TK1: variants seen among roughly 807,000 people sequenced by gnomAD.
The protein encoded by TK1 is thymidine kinase 1, also known as thymidine kinase, cytosolic.
Under a neutral mutation model 22.4 loss-of-function variants are expected in TK1, and 13 were observed. The observed-to-expected ratio is 0.58, with a 90% CI of 0.38 to 0.92. The LOEUF (loss-of-function observed/expected upper bound fraction) is 0.92, where lower values mean the gene tolerates loss of function less well. Ranked by LOEUF, TK1 falls within the 40% of genes least tolerant of loss-of-function variation. TK1 has a pLI of 0.00. For missense variants in TK1, 251 were observed against 315.7 expected (o/e 0.80, Z 1.55); for synonymous variants, 134 against 125.4 (o/e 1.07, Z -0.46).
At position 78,175,418 on chromosome 17, in the gene TK1, G is replaced by A. The variant is rs182293554; in HGVS notation, c.393+111C>T. ...CAGCCAAGGCCTGAGCAGCTCGGCCGTAACCCTGTGGTGGCTGAGCCCTGG... is the reference window on the plus strand; with the variant it reads ...CAGCCAAGGCCTGAGCAGCTCGGCCATAACCCTGTGGTGGCTGAGCCCTGG... On this transcript the variant is annotated intron_variant, in intron 5 of 6. Transcript: ENST00000301634. The A allele has an allele frequency of 8.2e-4, 982 of 1,198,156 alleles. 5 individuals carry two copies. In the African/African-American group the frequency reaches 8.9e-3, roughly 11 times the overall value. The allele number at this position is 1,198,156 out of a possible 1,614,324, so 74.2% of individuals were successfully genotyped here.
Position 78,185,138 on chromosome 17 carries a change from G to A in TK1, c.126C>T (p.Arg42=). Residue 42 remains arginine (R), a synonymous_variant, in exon 3 of 7, where the codon CGC becomes CGT. Coordinates refer to ENST00000301634, the MANE Select transcript of TK1 (RefSeq NM_003258.5). ...KSTELMRRVR[R]FQIAQYKCLV... is the part of the protein sequence containing the mutation. ...GGCACTTGTACTGAGCAATCTGGAA[G>A]CGACGGACGCGTCTCATCAACTCTG... is the stretch of plus-strand genomic sequence containing the variant. The A allele has an allele frequency of 1.2e-6, 2 of 1,612,278 alleles. No individual in the cohort carries two copies. The highest frequency in any genetic ancestry group is 1.7e-6 in the Non-Finnish European group (2 of 1,179,626).
intron 4 of TK1, chr17:78,179,203 G>A (rs2075721847): frequency 2.0e-6 from 2 of 985,416 alleles, no homozygotes; most frequent in Non-Finnish European, 2.4e-6. Context: ...CCTTGCCAAA[G>A]CTGAAGCTTC....
rs144025495 is a variant in TK1 at position 78,177,123 on chromosome 17, C to T, written c.304-1505G>A. 6.9e-3 allele frequency among the ~76,000 whole-genome samples: 1,044 copies of T among 152,336 alleles called. 7 individuals carry two copies. Among genetic ancestry groups the T allele is most frequent in the Admixed American group, 0.018 (276 of 15,292 alleles). ...CCGGCACTTCCCCACCCGTCCAGCA[C>T]TTCCAGTGATCTGCCTGCCTCAGCC... On this transcript the variant is annotated intron_variant, in intron 4 of 6. Coordinates refer to ENST00000301634, the MANE Select transcript of TK1 (RefSeq NM_003258.5).
At chr17:78,185,905 C>T (rs1361701714) in intron 2 of TK1, among the ~76,000 whole-genome samples, 3 of 152,168 alleles carry the variant, frequency 2.0e-5, no homozygotes, top group African/African-American at 7.2e-5. Flanking sequence ...TCCAAGAAGT[C>T]CAACTCTGAG....
rs773635643 is a variant in TK1 at position 78,175,128 on chromosome 17, G to GCTCT, written c.431_434dup (p.Ser145ArgfsTer223). ...TGCACACCGCCGTCAGCTTCACCAC[G>GCTCT]CTCTCGGCCAGCGGCACCAGGTTCA... On this transcript the variant is annotated frameshift_variant, in exon 6 of 7. Transcript: ENST00000301634. LOFTEE classifies it high-confidence loss of function. The GCTCT allele has an allele frequency of 6.2e-7, 1 of 1,613,224 alleles. No individual in the cohort carries two copies. The highest frequency in any genetic ancestry group is 8.5e-7 in the Non-Finnish European group (1 of 1,179,874).
intron 4 of TK1, chr17:78,179,456 G>A: frequency 1.0e-6 from 1 of 985,490 alleles, no homozygotes; most frequent in Non-Finnish European, 1.2e-6. Flanking sequence ...CAAGCGGGGA[G>A]GAGATGCCAG....
At chr17:78,175,745 C>G (rs2075694569) in intron 4 of TK1, 127 bp from the exon 5 acceptor site, 1 of 767,710 alleles carries the variant, frequency 1.3e-6, no homozygotes, top group Non-Finnish European at 2.1e-6. Context: ...TCTTAATTCT[C>G]CCACGAGGCT....
intron 4 of TK1, chr17:78,179,533 A>C: frequency 1.0e-6 from 1 of 985,460 alleles, no homozygotes; most frequent in Middle Eastern, 5.2e-4. Flanking sequence ...GATGCCCCGC[A>C]CAGGGGAAGG....
At chr17:78,177,730 C>G (rs1440003544) in intron 4 of TK1, among the ~76,000 whole-genome samples, 1 of 152,098 alleles carries the variant, frequency 6.6e-6, no homozygotes, top group African/African-American at 2.4e-5. Context: ...CCCGCCACCA[C>G]GCCTGGCTAA....
At chr17:78,187,062 C>G (rs1379275786), upstream of TK1, 11 of 1,515,070 alleles carry the variant, frequency 7.3e-6, no homozygotes, top group Non-Finnish European at 1.0e-5. Flanking sequence ...CCCTGGTTCC[C>G]GCGCCGACCG....
At chr17:78,176,960 C>G (rs1476876680) in intron 4 of TK1, among the ~76,000 whole-genome samples, 1 of 152,150 alleles carries the variant, frequency 6.6e-6, no homozygotes, top group Non-Finnish European at 1.5e-5. Flanking sequence ...GCTCCTTCAC[C>G]CGCCACATGA....
At chr17:78,185,843 A>C (rs561849897) in intron 2 of TK1, among the ~76,000 whole-genome samples, 1 of 152,116 alleles carries the variant, frequency 6.6e-6, no homozygotes, top group Non-Finnish European at 1.5e-5. Flanking sequence ...AGCTTTTCTA[A>C]ATTAATTTCA....
chr17:78,179,158 A>G, intron 4 of TK1: 2 of 985,350 alleles, frequency 2.0e-6, no homozygotes, highest in Non-Finnish European at 2.4e-6. Flanking sequence ...AGAGCTATTG[A>G]ACAACTCACA....
Position 78,175,083 on chromosome 17 carries a change from G to T in TK1, c.480C>A (p.Ala160=), listed in dbSNP as rs147289705. The change falls in exon 6 of 7, where the codon GCC becomes GCA. Residue 160 remains alanine (A), a synonymous_variant. Coordinates refer to ENST00000301634, the MANE Select transcript of TK1 (RefSeq NM_003258.5). The stretch of plus-strand genomic sequence containing the variant: ...CTGTGCCGAGCCTCTTGGTATAGGC[G>T]GCTTCCCGGAAGCACTCCATGCACA... ...TAVCMECFRE[A]AYTKRLGTEK... The T allele has an allele frequency of 2.1e-4, 340 of 1,613,542 alleles. 3 individuals carry two copies. The South Asian group carries it at 2.7e-3, about 13-fold the overall frequency.
At chr17:78,179,248 G>A (rs1234938394) in intron 4 of TK1, 1 of 985,300 alleles carries the variant, frequency 1.0e-6, no homozygotes, top group African/African-American at 1.7e-5. Flanking sequence ...CAAAGCTGAT[G>A]CAAAATCCCT....
At chr17:78,182,882 A>T (rs906348061) in intron 3 of TK1, among the ~76,000 whole-genome samples, 200 bp from the exon 4 acceptor site, 4 of 152,302 alleles carry the variant, frequency 2.6e-5, no homozygotes, top group African/African-American at 9.6e-5. Context: ...TTTATGAAAC[A>T]GAGTCTTGCT....
At chr17:78,178,572 T>A (rs1397754636) in intron 4 of TK1, among the ~76,000 whole-genome samples, 2 of 152,226 alleles carry the variant, frequency 1.3e-5, no homozygotes, top group African/African-American at 4.8e-5. Context: ...GTCCTTCTGC[T>A]GGGTCCCATG....
chr17:78,187,194 G>T, upstream of TK1: 1 of 870,856 alleles, frequency 1.1e-6, no homozygotes, highest in East Asian at 2.6e-5. Context: ...GGAGGAATCC[G>T]GGACGTGCGC....
chr17:78,183,628 T>C (rs1016774639), intron 3 of TK1: 1 of 152,046 alleles, frequency 6.6e-6, no homozygotes, highest in African/African-American at 2.4e-5. Context: ...GGGTTTGGGG[T>C]CACGTAACAG....
Sources: gnomAD v4.1 joint callset for allele counts (sites outside exome capture counted in the v4.1 genomes callset) on GRCh38, gnomAD v4.1.1 for gene constraint, MANE v1.5 for transcripts, NCBI Gene and HGNC (gene_info 2026-07-23, HGNC 2026-07-21) for gene names.